CNTNAP2: variants seen among roughly 807,000 people sequenced by gnomAD.
CNTNAP2 encodes contactin-associated protein-like 2.
Under a neutral mutation model 155.2 loss-of-function variants are expected in CNTNAP2, and 98 were observed. The ratio of observed to expected loss-of-function variants is 0.63; its 90% CI spans 0.54 to 0.75. CNTNAP2 has a LOEUF of 0.75. Among genes scored for constraint, CNTNAP2 ranks in the 30% least tolerant of loss-of-function variants. The probability of loss-of-function intolerance (pLI) is 0.00; values close to 1 mark genes in which losing one functional copy is unlikely to be tolerated. For missense variants in CNTNAP2, 1,727 were observed against 1,688.1 expected (o/e 1.02, Z -0.40); for synonymous variants, 651 against 631.2 (o/e 1.03, Z -0.47).
At chr7:148,353,592 C>CAAG (rs1798464853) in intron 21 of CNTNAP2, among the ~76,000 whole-genome samples, 1 of 152,168 alleles carries the variant, frequency 6.6e-6, no homozygotes, top group Admixed American at 6.5e-5. Flanking sequence ...GAATTATTAT[C>CAAG]AAGAGCCTTT....
intron 1 of CNTNAP2, among the ~76,000 whole-genome samples, chr7:146,433,857 A>G (rs1212925027): frequency 1.3e-5 from 2 of 152,176 alleles, no homozygotes; most frequent in Non-Finnish European, 2.9e-5. Context: ...TTTTAGAAGA[A>G]GCCCAGTCTT....
At chr7:147,283,107 A>G (rs950500485) in intron 8 of CNTNAP2, among the ~76,000 whole-genome samples, 2 of 152,064 alleles carry the variant, frequency 1.3e-5, no homozygotes, top group African/African-American at 2.4e-5. Flanking sequence ...ATATATTAAT[A>G]TCCTACAACT....
At chr7:148,120,822 C>T (rs1804580965) in intron 16 of CNTNAP2, among the ~76,000 whole-genome samples, 2 of 152,128 alleles carry the variant, frequency 1.3e-5, no homozygotes, top group South Asian at 4.2e-4. Flanking sequence ...GACATTTTCA[C>T]GATCCCCAAA....
intron 1 of CNTNAP2, among the ~76,000 whole-genome samples, chr7:146,563,944 T>TG (rs1356023654): frequency 5.9e-5 from 9 of 152,106 alleles, no homozygotes; most frequent in African/African-American, 2.2e-4. Context: ...TACAACATCT[T>TG]GGGCCCAGAG....
chr7:146,836,701 G>A (rs1042228424), intron 2 of CNTNAP2, among the ~76,000 whole-genome samples: 2 of 152,000 alleles, frequency 1.3e-5, no homozygotes, highest in Non-Finnish European at 2.9e-5. Flanking sequence ...TACTTAACAT[G>A]TTTAGCATTT....
chr7:146,243,247 T>C (rs1333168084), intron 1 of CNTNAP2, among the ~76,000 whole-genome samples: 2 of 152,148 alleles, frequency 1.3e-5, no homozygotes, highest in Non-Finnish European at 2.9e-5. Context: ...TGTCTCATCT[T>C]AATATTTATT....
At chr7:147,662,789 G>A (rs1430212717) in intron 13 of CNTNAP2, among the ~76,000 whole-genome samples, 1 of 152,126 alleles carries the variant, frequency 6.6e-6, no homozygotes, top group Non-Finnish European at 1.5e-5. Flanking sequence ...CTAGCTATTG[G>A]CCTCTGCCAT....
At chr7:146,228,568 G>T (rs563721734) in intron 1 of CNTNAP2, among the ~76,000 whole-genome samples, 1 of 152,190 alleles carries the variant, frequency 6.6e-6, no homozygotes, top group South Asian at 2.1e-4. Context: ...AGCTCTTTAT[G>T]CATTAATAGT....
At chr7:146,559,731 G>C (rs1432185166) in intron 1 of CNTNAP2, among the ~76,000 whole-genome samples, 1 of 152,080 alleles carries the variant, frequency 6.6e-6, no homozygotes, top group African/African-American at 2.4e-5. Flanking sequence ...ATTTTGGATA[G>C]ATTTCAGCCC....
At chr7:148,347,672 A>G (rs1401479585) in intron 21 of CNTNAP2, among the ~76,000 whole-genome samples, 2 of 152,252 alleles carry the variant, frequency 1.3e-5, no homozygotes, top group African/African-American at 4.8e-5. Context: ...CAAAACACAT[A>G]TCAGAAATAA....
intron 1 of CNTNAP2, among the ~76,000 whole-genome samples, chr7:146,372,934 T>C (rs971119746): frequency 6.6e-6 from 1 of 152,222 alleles, no homozygotes; most frequent in African/African-American, 2.4e-5. Flanking sequence ...ACTACCCATC[T>C]TCCAGCTGTC....
chr7:146,839,548 T>C (rs1803678947), intron 2 of CNTNAP2, among the ~76,000 whole-genome samples, 163 bp from the exon 3 acceptor site: 1 of 152,202 alleles, frequency 6.6e-6, no homozygotes, highest in Non-Finnish European at 1.5e-5. Flanking sequence ...GCTGGAAGAA[T>C]ATTAGTTGAA....
At chr7:148,002,365 C>A (rs1026562029) in intron 15 of CNTNAP2, among the ~76,000 whole-genome samples, 9 of 151,986 alleles carry the variant, frequency 5.9e-5, no homozygotes, top group African/African-American at 1.2e-4. Context: ...GGCTCTTTAC[C>A]TTTTCTTAAG....
chr7:147,083,993 TA>T (rs1467182723), intron 4 of CNTNAP2, among the ~76,000 whole-genome samples: 2 of 131,312 alleles, frequency 1.5e-5, no homozygotes, highest in Non-Finnish European at 3.1e-5. Context: ...TATGTATATA[TA>T]ATACATATAT....
chr7:146,794,001 C>T (rs558576194), intron 2 of CNTNAP2, among the ~76,000 whole-genome samples: 5 of 152,182 alleles, frequency 3.3e-5, no homozygotes, highest in Non-Finnish European at 5.9e-5. Flanking sequence ...GTCTCTCTCA[C>T]CGGGTTCTAG....
intron 18 of CNTNAP2, among the ~76,000 whole-genome samples, chr7:148,178,984 A>G (rs1383776719): frequency 6.6e-6 from 1 of 152,182 alleles, no homozygotes; most frequent in Non-Finnish European, 1.5e-5. Context: ...GTGTCCTAAA[A>G]TGTCATTTCT....
intron 3 of CNTNAP2, among the ~76,000 whole-genome samples, chr7:146,851,416 A>C (rs1794875389): frequency 6.6e-6 from 1 of 152,048 alleles, no homozygotes; most frequent in African/African-American, 2.4e-5. Flanking sequence ...AGAAAGTACT[A>C]TTTACCTACT....
intron 1 of CNTNAP2, among the ~76,000 whole-genome samples, chr7:146,527,095 G>GA (rs914818491): frequency 4.7e-5 from 7 of 149,886 alleles, no homozygotes; most frequent in African/African-American, 1.2e-4. Flanking sequence ...ATTTTTTTTA[G>GA]AAAAAAAAAT....
chr7:146,791,999 G>C (rs1360764882), intron 2 of CNTNAP2, among the ~76,000 whole-genome samples: 1 of 152,134 alleles, frequency 6.6e-6, no homozygotes, highest in African/African-American at 2.4e-5. Flanking sequence ...TTCTTCAGAA[G>C]TGTTATCTGT....
Sources: gnomAD v4.1 joint callset for allele counts (sites outside exome capture counted in the v4.1 genomes callset) on GRCh38, gnomAD v4.1.1 for gene constraint, MANE v1.5 for transcripts, NCBI Gene and HGNC (gene_info 2026-07-23, HGNC 2026-07-21) for gene names.